FAM171A1: variants seen among roughly 807,000 people sequenced by gnomAD.
FAM171A1 encodes family with sequence similarity 171 member A1.
FAM171A1 carries 23 observed loss-of-function variants against 74.9 expected under a neutral mutation model. The ratio of observed to expected loss-of-function variants is 0.31; its 90% CI spans 0.22 to 0.44. The LOEUF (loss-of-function observed/expected upper bound fraction) is 0.44. Among genes scored for constraint, FAM171A1 ranks in the 20% least tolerant of loss-of-function variants. The pLI is 1.00. For missense variants in FAM171A1, 1,162 were observed against 1,159.2 expected (o/e 1.00, Z -0.03); for synonymous variants, 527 against 505.7 (o/e 1.04, Z -0.57).
chr10:15,362,851 G>A (rs778733667), intron 1 of FAM171A1, among the ~76,000 whole-genome samples: 15 of 152,190 alleles, frequency 9.9e-5, no homozygotes, highest in Non-Finnish European at 2.1e-4. Flanking sequence ...CTACCATCTA[G>A]ATGTCCTTCT....
intron 5 of FAM171A1, among the ~76,000 whole-genome samples, chr10:15,235,448 T>C (rs1342596829): frequency 1.3e-5 from 2 of 148,464 alleles, no homozygotes; most frequent in Non-Finnish European, 3.0e-5. Flanking sequence ...ATGACATCCA[T>C]GGCTAGGTGG....
intron 1 of FAM171A1, among the ~76,000 whole-genome samples, chr10:15,295,281 C>A (rs940522640): frequency 2.6e-5 from 4 of 152,074 alleles, no homozygotes; most frequent in East Asian, 1.9e-4. Context: ...ATAATGCATA[C>A]CTTTTGTTAT....
chr10:15,323,188 C>T (rs1437186854), intron 1 of FAM171A1, among the ~76,000 whole-genome samples: 2 of 151,008 alleles, frequency 1.3e-5, no homozygotes, highest in African/African-American at 4.9e-5. Flanking sequence ...GGTGTGGTGG[C>T]TCATGCCTGT....
chr10:15,226,361 T>C (rs775030510), intron 5 of FAM171A1, among the ~76,000 whole-genome samples: 1 of 152,254 alleles, frequency 6.6e-6, no homozygotes, highest in Non-Finnish European at 1.5e-5. Context: ...GATGAAATTC[T>C]GCGTTACTGA....
intron 3 of FAM171A1, among the ~76,000 whole-genome samples, chr10:15,266,968 C>T (rs775795154): frequency 4.0e-5 from 6 of 151,836 alleles, no homozygotes; most frequent in Admixed American, 6.6e-5. Flanking sequence ...TAGGCCAAGG[C>T]GAGCCAGGAA....
rs529235656 is a variant in FAM171A1, at chr10:15,224,077, G to A, written c.755-3017C>T. Among the ~76,000 whole-genome samples the A allele has an allele frequency of 6.6e-5, 10 of 152,318 alleles. No individual in the cohort carries two copies. The East Asian group carries it at 1.5e-3, about 24-fold the overall frequency. ...GCCAGAAAGTCCATTGGCTGAAGAAGACATAGCTGCTTGGAGGGTCAGCTA... is the reference window on the plus strand; with the variant it reads ...GCCAGAAAGTCCATTGGCTGAAGAAAACATAGCTGCTTGGAGGGTCAGCTA... On this transcript the variant is annotated intron_variant, in intron 5 of 7. Coordinates refer to ENST00000378116, the MANE Select transcript of FAM171A1 (RefSeq NM_001010924.2).
chr10:15,221,400 G>T (rs142148098), intron 5 of FAM171A1, among the ~76,000 whole-genome samples: 1 of 152,148 alleles, frequency 6.6e-6, no homozygotes, highest in Non-Finnish European at 1.5e-5. Context: ...GATGGGGGCT[G>T]GTGGGAGTGA....
intron 5 of FAM171A1, among the ~76,000 whole-genome samples, chr10:15,233,219 C>T (rs1352414737): frequency 5.9e-5 from 9 of 151,930 alleles, no homozygotes; most frequent in African/African-American, 1.2e-4. Flanking sequence ...GGTGTGAACC[C>T]GGGAGGCGGA....
chr10:15,239,491 T>C (rs138707414), intron 5 of FAM171A1, among the ~76,000 whole-genome samples: 56 of 151,862 alleles, frequency 3.7e-4, no homozygotes, highest in African/African-American at 1.3e-3. Context: ...TTAGTAGAGA[T>C]GGGGTTTCAC....
At chr10:15,314,881 G>C (rs1014026440) in intron 1 of FAM171A1, among the ~76,000 whole-genome samples, 1 of 152,212 alleles carries the variant, frequency 6.6e-6, no homozygotes, top group African/African-American at 2.4e-5. Flanking sequence ...GCCTGCAGCC[G>C]CGGGGAGGAG....
intron 5 of FAM171A1, among the ~76,000 whole-genome samples, chr10:15,226,113 G>A (rs1263977598): frequency 6.6e-6 from 1 of 152,330 alleles, no homozygotes; most frequent in Admixed American, 6.5e-5. Flanking sequence ...GCAAGGTCAT[G>A]TGGTGAAGGC....
chr10:15,296,136 G>A (rs1436030185), intron 1 of FAM171A1, among the ~76,000 whole-genome samples: 1 of 152,114 alleles, frequency 6.6e-6, no homozygotes, highest in East Asian at 1.9e-4. Context: ...TAAACATAGA[G>A]GTTTTCCTGT....
Position 15,265,671 on chromosome 10 carries a change from A to G in FAM171A1, c.418+10184T>C, listed in dbSNP as rs368439318. ...GCTGGATTTTGATTTTTTTTTTTGT[A>G]TTTGTTTAACTCAATTATTCAATGA... On this transcript the variant is annotated intron_variant, in intron 3 of 7. Transcript: ENST00000378116. Among the ~76,000 whole-genome samples the G allele has an allele frequency of 5.8e-4, 75 of 130,254 alleles. 1 individual carries two copies. Among genetic ancestry groups the G allele is most frequent in the African/African-American group, 2.2e-3 (75 of 34,862 alleles). 85.5% of individuals were successfully genotyped at this position (130,254 alleles called of 152,430 possible).
intron 6 of FAM171A1, among the ~76,000 whole-genome samples, chr10:15,216,434 AT>A (rs550305545): frequency 2.5e-3 from 369 of 145,208 alleles, no homozygotes; most frequent in African/African-American, 4.0e-3. Flanking sequence ...GATCTTTTTA[AT>A]TTTTTTTTTT....
chr10:15,367,395 CTT>C (rs1304269626), intron 1 of FAM171A1, among the ~76,000 whole-genome samples: 1 of 152,182 alleles, frequency 6.6e-6, no homozygotes, highest in African/African-American at 2.4e-5. Flanking sequence ...ATTTCAAAGA[CTT>C]TTCCAGAAAT....
intron 1 of FAM171A1, among the ~76,000 whole-genome samples, chr10:15,346,742 C>T (rs1472101287): frequency 2.0e-5 from 3 of 152,308 alleles, no homozygotes; most frequent in Non-Finnish European, 4.4e-5. Context: ...TTTAAAGACA[C>T]AGAACAAAAA....
At chr10:15,352,069 GTAAAAATACAA>G (rs1835886641) in intron 1 of FAM171A1, among the ~76,000 whole-genome samples, 1 of 20,930 alleles carries the variant, frequency 4.8e-5, no homozygotes, top group Non-Finnish European at 1.3e-4. Flanking sequence ...ATTTTTTTTT[GTAAAAATACAA>G]AAAAAAAAAA....
intron 1 of FAM171A1, among the ~76,000 whole-genome samples, chr10:15,294,428 T>C (rs1835137503): frequency 1.3e-5 from 2 of 152,180 alleles, no homozygotes; most frequent in South Asian, 2.1e-4. Context: ...CTCTCATCCA[T>C]GAATTTATTT....
chr10:15,255,279 G>A (rs773996055), intron 3 of FAM171A1, among the ~76,000 whole-genome samples: 2 of 152,194 alleles, frequency 1.3e-5, no homozygotes, highest in East Asian at 1.9e-4. Context: ...CTTTGATACC[G>A]CTGCAAACCC....
Sources: allele counts gnomAD v4.1 joint callset (sites outside exome capture counted in the v4.1 genomes callset), GRCh38; gene constraint gnomAD v4.1.1; transcripts MANE v1.5; gene names NCBI Gene and HGNC (gene_info 2026-07-23, HGNC 2026-07-21).